Variants in ICE1 observed in about 807,000 individuals in gnomAD.
ICE1 encodes little elongation complex subunit 1.
ICE1 carries 64 observed loss-of-function variants against 192.7 expected under a neutral mutation model. The observed-to-expected ratio is 0.33, with a 90% CI of 0.27 to 0.41. ICE1 has a LOEUF of 0.41. Among genes scored for constraint, ICE1 ranks in the 10% least tolerant of loss-of-function variants. The pLI is 1.00. For missense variants in ICE1, 2,708 were observed against 2,696.0 expected, an observed-to-expected ratio of 1.00 and a Z score of -0.10; for synonymous variants, 1,010 against 984.5, an observed-to-expected ratio of 1.03 and a Z score of -0.49.
intron 17 of ICE1, among the ~76,000 whole-genome samples, chr5:5,482,775 AACACACACACACAC>A (rs70965943): frequency 2.9e-5 from 4 of 135,998 alleles, no homozygotes; most frequent in Admixed American, 7.5e-5. Context: ...CCCACCCCCC[AACACACACACACAC>A]ACACACACAC....
At chr5:5,483,169 T>TG (rs1234178352) in intron 17 of ICE1, among the ~76,000 whole-genome samples, 4 of 151,990 alleles carry the variant, frequency 2.6e-5, no homozygotes, top group Non-Finnish European at 5.9e-5. Context: ...TTTTTGTTGT[T>TG]TTTTTTAGTA....
At chr5:5,447,698 CTA>C (rs750481157) in intron 8 of ICE1, 21 bp from the exon 9 acceptor site, 2 of 1,554,244 alleles carry the variant, frequency 1.3e-6, no homozygotes, top group South Asian at 1.2e-5. Context: ...AGCATAAACA[CTA>C]TTAATATTTT....
At position 5,464,645 on chromosome 5, in the gene ICE1, G is replaced by T; in HGVS notation, c.5311G>T (p.Gly1771Trp). 1 of 1,613,592 alleles carries T rather than the reference G, an allele frequency of 6.2e-7. No individual in the cohort carries two copies. The highest frequency in any genetic ancestry group is 8.5e-7 in the Non-Finnish European group (1 of 1,179,758). ...ARARTLNILK[G>W]NIQLTRGPPA... ...GGCCCGGACCCTCAACATCCTCAAA[G>T]GGAATATTCAACTCACACGAGGTCC... is the stretch of plus-strand genomic sequence containing the variant. Residue 1771 changes from glycine (G) to tryptophan (W), a missense_variant, in exon 13 of 19, where the codon GGG becomes TGG. Around this residue, in one of 2 missense-constraint regions of ICE1, gnomAD observed 2,366 missense variants for 2,276.6 expected, o/e 1.04. Coordinates refer to ENST00000296564, the MANE Select transcript of ICE1 (RefSeq NM_015325.3). The surrounding 1 kb of genome is among the most constrained non-coding windows in gnomAD (Gnocchi z 4.0).
In ICE1 at chr5:5,463,103, G is replaced by A; in HGVS notation, c.3769G>A (p.Glu1257Lys). ...AAGTCAGCTCACTCAGTGTTCTTTG[G>A]AAACTCTGTCTGAGGTTCTGACCAA... ...NTSQLTQCSL[E>K]TLSEVLTKIR... The change falls in exon 13 of 19, where the codon GAA becomes AAA. Residue 1257 changes from glutamate to lysine, a missense_variant. By Grantham distance (56) the Glu-to-Lys change is moderately conservative (BLOSUM62 1). Coordinates refer to ENST00000296564, the MANE Select transcript of ICE1 (RefSeq NM_015325.3). 2 of 1,613,092 alleles carry A rather than the reference G, an allele frequency of 1.2e-6. No homozygotes were observed. Among genetic ancestry groups the A allele is most frequent in the African/African-American group, 1.3e-5 (1 of 75,036 alleles).
At chr5:5,477,419 T>A (rs977376716) in intron 17 of ICE1, among the ~76,000 whole-genome samples, 3 of 151,918 alleles carry the variant, frequency 2.0e-5, no homozygotes, top group Admixed American at 6.5e-5. Flanking sequence ...ACACACACAC[T>A]CTCCCAAGAC....
rs1738897418 is a variant in ICE1 at position 5,464,091 on chromosome 5, C to T, written c.4757C>T (p.Ser1586Leu). 1.2e-6 allele frequency: 2 copies of T among 1,613,588 alleles called. No individual in the cohort carries two copies. Among genetic ancestry groups the T allele is most frequent in the African/African-American group, 1.3e-5 (1 of 75,036 alleles). ...VETHQSEVAQ[S>L]FSGEKANTKT... ...ACTCATCAGAGTGAAGTTGCTCAGT[C>T]ATTTTCAGGGGAAAAAGCTAATACA... Residue 1586 changes from serine (S) to leucine (L), a missense_variant, in exon 13 of 19, where the codon TCA becomes TTA. Transcript: ENST00000296564. The surrounding 1 kb of genome is among the most constrained non-coding windows in gnomAD (Gnocchi z 4.0).
At chr5:5,469,883 T>C (rs528135695) in intron 15 of ICE1, among the ~76,000 whole-genome samples, 5 of 152,146 alleles carry the variant, frequency 3.3e-5, no homozygotes, top group Non-Finnish European at 7.3e-5. Context: ...GTTGGTCATT[T>C]TGTGTCAGGA....
chr5:5,435,196 T>A (rs537296790), intron 1 of ICE1, among the ~76,000 whole-genome samples: 24 of 152,304 alleles, frequency 1.6e-4, no homozygotes, highest in African/African-American at 5.8e-4. Context: ...GTTCTGAAAG[T>A]TGAAAGTTAA....
At position 5,465,141 on chromosome 5, in the gene ICE1, A is replaced by T. The variant is rs780586382; in HGVS notation, c.5807A>T (p.His1936Leu). Reference protein sequence around the residue: ...SFDLLPVIRSHVYVGNISKKP... With the variant: ...SFDLLPVIRSLVYVGNISKKP... Reference sequence around the variant, plus strand: ...GATCTGTTACCTGTCATTCGTAGTCATGTGTATGTGGGAAATATCTCCAAA... The same window carrying T: ...GATCTGTTACCTGTCATTCGTAGTCTTGTGTATGTGGGAAATATCTCCAAA... Residue 1936 changes from histidine to leucine, a missense_variant, in exon 13 of 19, where the codon CAT (histidine) becomes CTT (leucine). Physicochemically the swap from His to Leu is moderately conservative, Grantham distance 99. This residue lies in a region of ICE1 where 342 missense variants were observed against 419.3 expected (regional missense o/e 0.82). Transcript: ENST00000296564. The T allele has an allele frequency of 1.2e-6, 2 of 1,610,496 alleles. No individual in the cohort carries two copies. Among genetic ancestry groups the T allele is most frequent in the South Asian group, 2.2e-5 (2 of 90,226 alleles).
In ICE1 at chr5:5,473,610, A is replaced by G. The variant is rs1056017804; in HGVS notation, c.6275A>G (p.Gln2092Arg). 5 of 1,613,640 alleles carry G rather than the reference A, an allele frequency of 3.1e-6. No individual in the cohort carries two copies. In the African/African-American group the frequency reaches 4.0e-5, roughly 13 times the overall value. Reference sequence around the variant, plus strand: ...GTTTCTAAGCTGCTTTTGACCATACAGTTATGTCCAAAAACAGAATTTCAA... The same window carrying G: ...GTTTCTAAGCTGCTTTTGACCATACGGTTATGTCCAAAAACAGAATTTCAA... ...FMVSKLLLTI[Q>R]LCPKTEFQPS... is the part of the protein sequence containing the mutation. The change falls in exon 16 of 19, where the codon CAG becomes CGG. Residue 2092 changes from glutamine to arginine, a missense_variant. Coordinates refer to ENST00000296564, the MANE Select transcript of ICE1 (RefSeq NM_015325.3).
intron 14 of ICE1, among the ~76,000 whole-genome samples, chr5:5,467,366 C>T (rs1043429077): frequency 2.0e-4 from 30 of 152,252 alleles, no homozygotes; most frequent in African/African-American, 6.3e-4. Flanking sequence ...GGTGGTGGGA[C>T]GGAACGGGTG....
At position 5,468,940 on chromosome 5, in the gene ICE1, T is replaced by A. The variant is rs1275487834; in HGVS notation, c.6174T>A (p.Ala2058=). Reference sequence around the variant, plus strand: ...TGCAGTTAGTTGCCAGGCAACGTGCTAAAGGAGAGGTTCTGAACTGCTTGA... The same window carrying A: ...TGCAGTTAGTTGCCAGGCAACGTGCAAAAGGAGAGGTTCTGAACTGCTTGA... ...KAMQLVARQR[A]KGEVLNCLRA... The change falls in exon 15 of 19, where the codon GCT becomes GCA. Residue 2058 remains alanine (A), a synonymous_variant. Coordinates refer to ENST00000296564, the MANE Select transcript of ICE1 (RefSeq NM_015325.3). The A allele has an allele frequency of 2.5e-6, 4 of 1,605,944 alleles. No homozygotes were observed. Among genetic ancestry groups the A allele is most frequent in the Admixed American group, 3.4e-5 (2 of 58,426 alleles).
Position 5,469,004 on chromosome 5 carries a change from G to T in ICE1, c.6222+16G>T, listed in dbSNP as rs746914152. 9 of 1,471,126 alleles carry T rather than the reference G, an allele frequency of 6.1e-6. No homozygotes were observed. Among genetic ancestry groups the T allele is most frequent in the Non-Finnish European group, 8.1e-6 (9 of 1,108,232 alleles). The allele number at this position is 1,471,126 out of a possible 1,614,324, so 91.1% of individuals were successfully genotyped here. A position where few individuals can be genotyped will look rare whatever the true frequency, so the allele number is the denominator to read the frequency against. ...TTGGGAAAAGGTGAGCCATATTTCT[G>T]TTTCTTACAGTATCTTACTTTTAGA... On this transcript the variant is annotated intron_variant, in intron 15 of 18. Coordinates refer to ENST00000296564, the MANE Select transcript of ICE1 (RefSeq NM_015325.3).
In ICE1 at chr5:5,465,314, C is replaced by T. The variant is rs1579569049; in HGVS notation, c.5892+88C>T. The stretch of plus-strand genomic sequence containing the variant: ...TACTGTCAGCAAAATGTGTAGATGA[C>T]CATGAACAAAAGTTTTACTTCAAGG... On this transcript the variant is annotated intron_variant, in intron 13 of 18. Transcript: ENST00000296564. 17 of 886,110 alleles carry T rather than the reference C, an allele frequency of 1.9e-5. No homozygotes were observed. The Middle Eastern group carries it at 3.4e-3, about 176-fold the overall frequency. The allele number at this position is 886,110 out of a possible 1,614,324, so 54.9% of individuals were successfully genotyped here.
chr5:5,466,410 T>C lies in ICE1; in HGVS notation c.5969T>C (p.Ile1990Thr), dbSNP rs1215693824. ...IQKISMDHNYIHALCRVYVGI... is the reference protein window; with the variant it reads ...IQKISMDHNYTHALCRVYVGI... ...AAGATATCTATGGACCACAATTACA[T>C]TCACGCCCTCTGCAGGGTGTATGTG... Residue 1990 changes from isoleucine to threonine, a missense_variant, in exon 14 of 19, where the codon ATT (isoleucine) becomes ACT (threonine). Ile to Thr is a moderately conservative substitution (Grantham distance 89). Around this residue, in one of 2 missense-constraint regions of ICE1, gnomAD observed 342 missense variants for 419.3 expected, o/e 0.82. Transcript: ENST00000296564. The C allele has an allele frequency of 6.2e-7, 1 of 1,613,736 alleles. No homozygotes were observed. The highest frequency in any genetic ancestry group is 1.7e-5 in the Admixed American group (1 of 60,000).
intron 17 of ICE1, among the ~76,000 whole-genome samples, chr5:5,482,909 A>T (rs1187634020): frequency 6.6e-6 from 1 of 152,126 alleles, no homozygotes; most frequent in East Asian, 1.9e-4. Flanking sequence ...TTGAGTAAAA[A>T]ATCAAGTTGG....
rs1312329133 is a variant in ICE1, at chr5:5,436,400, TG to T, written c.85-16del. The T allele has an allele frequency of 4.9e-6, 7 of 1,437,248 alleles. No homozygotes were observed. Among genetic ancestry groups the T allele is most frequent in the Non-Finnish European group, 6.5e-6 (7 of 1,082,718 alleles). 89.0% of individuals were successfully genotyped at this position (1,437,248 alleles called of 1,614,324 possible). On this transcript the variant is annotated splice_polypyrimidine_tract_variant and intron_variant, in intron 1 of 18. Coordinates refer to ENST00000296564, the MANE Select transcript of ICE1 (RefSeq NM_015325.3). ...AAGTAATTGATAAAAAAGCTGACTG[TG>T]GCTTTTTTTCTTTCAGAATTTGAAT...
At position 5,476,051 on chromosome 5, in the gene ICE1, T is replaced by C. The variant is rs1456329050; in HGVS notation, c.6492T>C (p.Ile2164=). The change falls in exon 17 of 19, where the codon ATT becomes ATC. Residue 2164 remains isoleucine, a synonymous_variant. Transcript: ENST00000296564. The part of the protein sequence containing the change: ...GHANIAYTPD[I]IIASILRLIG... Reference sequence around the variant, plus strand: ...CAAACATTGCGTATACTCCTGATATTATTATAGCCTCAATACTGAGGCTGA... The same window carrying C: ...CAAACATTGCGTATACTCCTGATATCATTATAGCCTCAATACTGAGGCTGA... 3.7e-5 allele frequency: 59 copies of C among 1,605,786 alleles called. No homozygotes were observed. Among genetic ancestry groups the C allele is most frequent in the Non-Finnish European group, 5.0e-5 (59 of 1,174,340 alleles).
At position 5,463,265 on chromosome 5, in the gene ICE1, T is replaced by G. The variant is rs1738858389; in HGVS notation, c.3931T>G (p.Ser1311Ala). 6.2e-7 allele frequency: 1 copy of G among 1,613,116 alleles called. No individual in the cohort carries two copies. The highest frequency in any genetic ancestry group is 8.5e-7 in the Non-Finnish European group (1 of 1,179,694). Reference sequence around the variant, plus strand: ...AAGTCCATTTCGGGAAACGACTGGCTCCTCATCACATGCTTCAGAACCAAC... The same window carrying G: ...AAGTCCATTTCGGGAAACGACTGGCGCCTCATCACATGCTTCAGAACCAAC... Reference protein sequence around the residue: ...EKSPFRETTGSSSHASEPTPQ... With the variant: ...EKSPFRETTGASSHASEPTPQ... Residue 1311 changes from serine (S) to alanine (A), a missense_variant, in exon 13 of 19, where the codon TCC (serine) becomes GCC (alanine). Ser to Ala is a moderately conservative substitution (Grantham distance 99, BLOSUM62 1). Transcript: ENST00000296564.
Sources: gnomAD v4.1 joint callset for allele counts (sites outside exome capture counted in the v4.1 genomes callset) on GRCh38, gnomAD v4.1.1 for gene constraint, gnomAD v4.1.1 regional missense constraint, Gnocchi (gnomAD v3.1) non-coding constraint, MANE v1.5 for transcripts, NCBI Gene and HGNC (gene_info 2026-07-23, HGNC 2026-07-21) for gene names.